The following MXI1 variants were observed in gnomAD, a reference collection of about 807,000 sequenced individuals.
MXI1 encodes MAX interactor 1, dimerization protein.
In MXI1, 18 loss-of-function variants were observed where a neutral mutation model predicts 36.9. That is an observed-to-expected ratio of 0.49 (90% confidence interval 0.34 to 0.72). The LOEUF (loss-of-function observed/expected upper bound fraction) is 0.72, where lower values mean the gene tolerates loss of function less well. Among genes scored for constraint, MXI1 ranks in the 30% least tolerant of loss-of-function variants. The pLI is 0.01. For synonymous variants in MXI1, 160 were observed against 146.7 expected (o/e 1.09, Z -0.65); for missense variants, 304 against 379.1 (o/e 0.80, Z 1.64).
chr10:110,213,195 C>T (rs139367735), intron 1 of MXI1, among the ~76,000 whole-genome samples: 388 of 152,288 alleles, frequency 2.5e-3, no homozygotes, highest in African/African-American at 9.1e-3. Context: ...ATCCTGTGAA[C>T]AGCTGTGACC....
intron 1 of MXI1, among the ~76,000 whole-genome samples, chr10:110,211,791 C>T (rs1854523030): frequency 6.6e-6 from 1 of 152,158 alleles, no homozygotes; most frequent in South Asian, 2.1e-4. Context: ...TACATTCTCC[C>T]AAAACTCCAA....
intron 3 of MXI1, among the ~76,000 whole-genome samples, chr10:110,273,110 C>T (rs912431070): frequency 2.9e-5 from 4 of 137,050 alleles, no homozygotes; most frequent in Non-Finnish European, 3.0e-5. Context: ...TGCAGTGATG[C>T]GATCTCGGCT....
intron 5 of MXI1, among the ~76,000 whole-genome samples, chr10:110,282,997 C>T (rs368688140): frequency 2.6e-5 from 4 of 152,044 alleles, no homozygotes; most frequent in African/African-American, 9.7e-5. Flanking sequence ...TTTATTTTGA[C>T]TGAGTTCAGC....
chr10:110,239,890 C>G (rs1474593570), intron 2 of MXI1, among the ~76,000 whole-genome samples: 1 of 151,756 alleles, frequency 6.6e-6, no homozygotes, highest in Non-Finnish European at 1.5e-5. Flanking sequence ...CCCCTCCTGA[C>G]TTTTCCAGTC....
chr10:110,252,372 C>G (rs111720575), intron 3 of MXI1, among the ~76,000 whole-genome samples: 7,985 of 152,192 alleles, frequency 0.052, 321 homozygotes, highest in Middle Eastern at 0.15. Context: ...AAGTGCACCA[C>G]TCTATCCCTT....
At chr10:110,244,158 T>A (rs1347747414) in intron 2 of MXI1, among the ~76,000 whole-genome samples, 3 of 152,084 alleles carry the variant, frequency 2.0e-5, no homozygotes, top group African/African-American at 7.2e-5. Context: ...TTAAAACAAA[T>A]AATGAGAAAC....
chr10:110,247,325 A>G (rs984177344), intron 3 of MXI1, among the ~76,000 whole-genome samples: 4 of 152,222 alleles, frequency 2.6e-5, no homozygotes, highest in East Asian at 1.9e-4. Context: ...ATTTTCTCCC[A>G]TTCTGTAGGT....
At chr10:110,262,094 C>G (rs1463786661) in intron 3 of MXI1, among the ~76,000 whole-genome samples, 3 of 152,084 alleles carry the variant, frequency 2.0e-5, no homozygotes, top group Non-Finnish European at 2.9e-5. Flanking sequence ...AGCAAAATCA[C>G]ATACAGTTGG....
intron 1 of MXI1, among the ~76,000 whole-genome samples, chr10:110,213,866 G>A (rs1012080255): frequency 9.9e-5 from 15 of 152,248 alleles, no homozygotes; most frequent in African/African-American, 2.7e-4. Context: ...GGGTGCTGGC[G>A]TGCAGCAGCA....
intron 2 of MXI1, among the ~76,000 whole-genome samples, chr10:110,230,504 G>A (rs187199344): frequency 2.4e-4 from 37 of 152,296 alleles, no homozygotes; most frequent in Admixed American, 3.9e-4. Flanking sequence ...AAGAGAGAGA[G>A]AGAGAAAAAT....
At chr10:110,244,731 T>G (rs1042990314) in intron 2 of MXI1, 97 bp from the exon 3 acceptor site, 1 of 963,858 alleles carries the variant, frequency 1.0e-6, no homozygotes. Context: ...CATTGTTAAA[T>G]AAATTCACTA....
chr10:110,254,338 A>C (rs952737701), intron 3 of MXI1, among the ~76,000 whole-genome samples: 31 of 152,164 alleles, frequency 2.0e-4, no homozygotes, highest in African/African-American at 7.5e-4. Flanking sequence ...ATGCAGACTT[A>C]ATAAATGTTG....
intron 5 of MXI1, among the ~76,000 whole-genome samples, chr10:110,281,099 CTTTT>C (rs751029300): frequency 2.2e-4 from 33 of 152,096 alleles, no homozygotes; most frequent in Admixed American, 4.6e-4. Flanking sequence ...TTGTTTTTGA[CTTTT>C]TTAAGTGGAA....
chr10:110,215,106 A>G (rs1411288489), intron 1 of MXI1, among the ~76,000 whole-genome samples: 1 of 144,086 alleles, frequency 6.9e-6, no homozygotes, highest in African/African-American at 2.6e-5. Context: ...CATTGGCACA[A>G]TCTCAGCTCA....
intron 1 of MXI1, chr10:110,227,956 G>A (rs754110574): frequency 4.4e-5 from 22 of 499,090 alleles, no homozygotes; most frequent in Admixed American, 9.6e-5. Context: ...TTTTGGAAAG[G>A]GGGGATAAAC....
chr10:110,223,186 T>C (rs1854861673), intron 1 of MXI1, among the ~76,000 whole-genome samples: 1 of 152,270 alleles, frequency 6.6e-6, no homozygotes, highest in South Asian at 2.1e-4. Flanking sequence ...TAGCCATCTC[T>C]TCCTAACCAG....
chr10:110,230,876 T>G (rs565332842), intron 2 of MXI1, among the ~76,000 whole-genome samples: 27 of 152,216 alleles, frequency 1.8e-4, no homozygotes, highest in Non-Finnish European at 3.4e-4. Flanking sequence ...ACTTCATAAG[T>G]ATATATGTCT....
intron 2 of MXI1, among the ~76,000 whole-genome samples, chr10:110,244,050 A>T (rs149103880): frequency 0.052 from 7,978 of 152,092 alleles, 322 homozygotes; most frequent in Middle Eastern, 0.15. Context: ...AGTATTCTTG[A>T]TTATAAAACA....
chr10:110,219,415 T>C (rs1344486494), intron 1 of MXI1, among the ~76,000 whole-genome samples: 3 of 152,204 alleles, frequency 2.0e-5, no homozygotes, highest in Non-Finnish European at 2.9e-5. Context: ...TCCAAACTCC[T>C]TGTCATGGCC....
Sources: gnomAD v4.1 joint callset for allele counts (sites outside exome capture counted in the v4.1 genomes callset) on GRCh38, gnomAD v4.1.1 for gene constraint, MANE v1.5 for transcripts, NCBI Gene and HGNC (gene_info 2026-07-23, HGNC 2026-07-21) for gene names.